Variants in PEX14 observed in about 807,000 individuals in gnomAD.
The protein encoded by PEX14 is peroxisomal membrane protein PEX14.
PEX14 carries 15 observed loss-of-function variants against 49.5 expected under a neutral mutation model. The ratio of observed to expected loss-of-function variants is 0.30; its 90% confidence interval spans 0.20 to 0.47. PEX14 has a LOEUF of 0.47. Ranked by LOEUF, PEX14 falls within the 20% of genes least tolerant of loss-of-function variation. The pLI is 1.00. For synonymous variants in PEX14, 210 were observed against 212.7 expected, an observed-to-expected ratio of 0.99 and a Z score of 0.11; for missense variants, 398 against 494.8, an observed-to-expected ratio of 0.80 and a Z score of 1.86.
chr1:10,596,495 T>C (rs1640836852), intron 3 of PEX14, among the ~76,000 whole-genome samples: 1 of 152,026 alleles, frequency 6.6e-6, no homozygotes, highest in African/African-American at 2.4e-5. Context: ...GAAAATGTAG[T>C]CCTTCTCCCA....
At position 10,590,600 on chromosome 1, in the gene PEX14, T is replaced by C. The variant is rs143502127; in HGVS notation, c.170-8638T>C. ...TTTAACAGGTAGGGAAAATGAGATC[T>C]TGCACTCTCACATTGCCTAGCAGTA... On this transcript the variant is annotated intron_variant, in intron 3 of 8. Coordinates refer to ENST00000356607, the MANE Select transcript of PEX14 (RefSeq NM_004565.3). Among the ~76,000 whole-genome samples, 116 of 152,302 alleles carry C rather than the reference T, an allele frequency of 7.6e-4. 2 individuals carry two copies. In the East Asian group the frequency reaches 0.022, roughly 29 times the overall value.
chr1:10,554,383 G>A lies in PEX14; in HGVS notation c.169+18086G>A, dbSNP rs117882841. 1.0e-3 allele frequency among the ~76,000 whole-genome samples: 158 copies of A among 151,626 alleles called. 4 individuals carry two copies. The East Asian group carries it at 0.023, about 22-fold the overall frequency. On this transcript the variant is annotated intron_variant, in intron 3 of 8. Coordinates refer to ENST00000356607, the MANE Select transcript of PEX14 (RefSeq NM_004565.3). ...CTAAAGGGCAGACTCCAAAAGGGCA[G>A]ACTCCAAAATGATCAGGACATTAAC... is the stretch of plus-strand genomic sequence containing the variant.
intron 3 of PEX14, among the ~76,000 whole-genome samples, chr1:10,596,178 A>G (rs1450789606): frequency 6.6e-6 from 1 of 152,232 alleles, no homozygotes; most frequent in Admixed American, 6.5e-5. Flanking sequence ...GTTCCAAATG[A>G]ATCACCTGAG....
chr1:10,626,244 G>A (rs1320256518), intron 7 of PEX14, among the ~76,000 whole-genome samples: 3 of 152,210 alleles, frequency 2.0e-5, no homozygotes, highest in Admixed American at 6.5e-5. Flanking sequence ...TCCCTTGTAG[G>A]CCAGTGAGTG....
chr1:10,479,967 C>A (rs1306129143), intron 1 of PEX14, among the ~76,000 whole-genome samples: 2 of 152,204 alleles, frequency 1.3e-5, no homozygotes, highest in African/African-American at 4.8e-5. Flanking sequence ...TGTGAATAAA[C>A]CCCTGTACTC....
chr1:10,627,932 A>T (rs894823620), intron 8 of PEX14, among the ~76,000 whole-genome samples: 3 of 151,720 alleles, frequency 2.0e-5, no homozygotes, highest in African/African-American at 7.3e-5. Flanking sequence ...GGTTTTATTT[A>T]TTTTTATTTT....
At chr1:10,520,677 C>G (rs1258475201) in intron 2 of PEX14, among the ~76,000 whole-genome samples, 2 of 152,224 alleles carry the variant, frequency 1.3e-5, no homozygotes, top group Non-Finnish European at 2.9e-5. Flanking sequence ...CAGACAGCAT[C>G]TGCTGTTATC....
At position 10,597,873 on chromosome 1, in the gene PEX14, C is replaced by T. The variant is rs1640872196; in HGVS notation, c.170-1365C>T. On this transcript the variant is annotated intron_variant, in intron 3 of 8. Coordinates refer to ENST00000356607, the MANE Select transcript of PEX14 (RefSeq NM_004565.3). This position sits in a 1 kb window ranked among gnomAD's most constrained non-coding sequence, Gnocchi z 5.7. Reference sequence around the variant, plus strand: ...TTTCCTTTGACTAGCTGTGGTAGGGCATGAAAAGTTTGAGGGGTGGCTGCA... The same window carrying T: ...TTTCCTTTGACTAGCTGTGGTAGGGTATGAAAAGTTTGAGGGGTGGCTGCA... Among the ~76,000 whole-genome samples the T allele has an allele frequency of 6.6e-6, 1 of 152,214 alleles. No individual in the cohort carries two copies. Among genetic ancestry groups the T allele is most frequent in the South Asian group, 2.1e-4 (1 of 4,830 alleles).
rs563963569 is a variant in PEX14, at chr1:10,621,044, C to T, written c.385-1975C>T. ...AGGGCAGCTCGGCAGCCCGCCTTAG[C>T]GTGGGCACTCACACGGAGCTGCCAC... On this transcript the variant is annotated intron_variant, in intron 5 of 8. Coordinates refer to ENST00000356607, the MANE Select transcript of PEX14 (RefSeq NM_004565.3). 2.6e-4 allele frequency among the ~76,000 whole-genome samples: 40 copies of T among 152,326 alleles called. 1 individual carries two copies. The South Asian group carries it at 4.6e-3, about 17-fold the overall frequency.
chr1:10,496,390 G>T (rs648324), intron 2 of PEX14, among the ~76,000 whole-genome samples: 108,971 of 152,010 alleles, frequency 0.72, 39,160 homozygotes, highest in East Asian at 0.8. Context: ...CTTCCTTGAG[G>T]TCATGGTGGT....
intron 3 of PEX14, among the ~76,000 whole-genome samples, chr1:10,576,411 C>A (rs1640118178): frequency 2.0e-5 from 3 of 152,084 alleles, no homozygotes; most frequent in Non-Finnish European, 2.9e-5. Context: ...TGTCTTCTTA[C>A]AATTGAGAAA....
Position 10,494,460 on chromosome 1 carries a change from T to C in PEX14, c.37-814T>C, listed in dbSNP as rs1641522202. Among the ~76,000 whole-genome samples the C allele has an allele frequency of 1.3e-5, 2 of 152,246 alleles. No individual in the cohort carries two copies. Among genetic ancestry groups the C allele is most frequent in the African/African-American group, 4.8e-5 (2 of 41,464 alleles). On this transcript the variant is annotated intron_variant, in intron 1 of 8. Coordinates refer to ENST00000356607, the MANE Select transcript of PEX14 (RefSeq NM_004565.3). This position sits in a 1 kb window ranked among gnomAD's most constrained non-coding sequence, Gnocchi z 4.3. ...AGCATACCTGCTTACTTTATTCTTT[T>C]GGAGATTTGTAAATTTCTTCAGAAT... is the stretch of plus-strand genomic sequence containing the variant.
At chr1:10,506,854 C>A (rs1040138766) in intron 2 of PEX14, among the ~76,000 whole-genome samples, 4 of 152,100 alleles carry the variant, frequency 2.6e-5, no homozygotes, top group Non-Finnish European at 4.4e-5. Context: ...AGTCTGTGGG[C>A]CCACACTCAA....
intron 3 of PEX14, among the ~76,000 whole-genome samples, chr1:10,542,667 A>C (rs1430080114): frequency 2.0e-5 from 3 of 152,218 alleles, no homozygotes; most frequent in Admixed American, 2.0e-4. Context: ...AGGCTGAGGC[A>C]GGAGAATCGC....
intron 2 of PEX14, among the ~76,000 whole-genome samples, chr1:10,502,837 C>G (rs1180915836): frequency 6.7e-6 from 1 of 149,164 alleles, no homozygotes; most frequent in African/African-American, 2.5e-5. Flanking sequence ...TTCTCTGTCA[C>G]TCAGGCTGGA....
At position 10,575,020 on chromosome 1, in the gene PEX14, G is replaced by A. The variant is rs1424887830; in HGVS notation, c.170-24218G>A. On this transcript the variant is annotated intron_variant, in intron 3 of 8. Coordinates refer to ENST00000356607, the MANE Select transcript of PEX14 (RefSeq NM_004565.3). ...CCAGCTGTTCAGGAGGCTGATGCGG[G>A]AGGGTAGCTTGAGCTGCACTCCTAG... 3.3e-5 allele frequency among the ~76,000 whole-genome samples: 5 copies of A among 151,604 alleles called. No homozygotes were observed. The East Asian group carries it at 7.7e-4, about 23-fold the overall frequency.
At chr1:10,559,412 CT>C (rs1215841961) in intron 3 of PEX14, among the ~76,000 whole-genome samples, 3 of 152,150 alleles carry the variant, frequency 2.0e-5, no homozygotes, top group Non-Finnish European at 2.9e-5. Context: ...TGAAAACCAC[CT>C]TATTTTAGAG....
chr1:10,527,465 C>T (rs1383718637), intron 2 of PEX14, among the ~76,000 whole-genome samples: 2 of 144,856 alleles, frequency 1.4e-5, no homozygotes, highest in African/African-American at 2.6e-5. Context: ...TGCAGTGAGC[C>T]GAGATCACGC....
chr1:10,548,512 C>T (rs1639240296), intron 3 of PEX14, among the ~76,000 whole-genome samples: 2 of 152,200 alleles, frequency 1.3e-5, no homozygotes, highest in South Asian at 4.1e-4. Context: ...CATTAATTTA[C>T]CAATCCATTG....
Sources: gnomAD v4.1 joint callset for allele counts (sites outside exome capture counted in the v4.1 genomes callset) on GRCh38, gnomAD v4.1.1 for gene constraint, Gnocchi (gnomAD v3.1) non-coding constraint, MANE v1.5 for transcripts, NCBI Gene and HGNC (gene_info 2026-07-23, HGNC 2026-07-21) for gene names.